PROKR2: variants seen among roughly 807,000 people sequenced by gnomAD.
PROKR2 encodes the protein G protein-coupled receptor 73-like 1.
PROKR2 carries 26 observed loss-of-function variants against 23.4 expected under a neutral mutation model. The ratio of observed to expected loss-of-function variants is 1.11; its 90% CI spans 0.81 to 1.54. The LOEUF is 1.54. PROKR2 is among the 40% of genes most tolerant of loss of function. The probability of loss-of-function intolerance (pLI) is 0.00; values close to 1 mark genes in which losing one functional copy is unlikely to be tolerated. For synonymous variants in PROKR2, 212 were observed against 201.2 expected (o/e 1.05, Z -0.45); for missense variants, 453 against 511.5 (o/e 0.89, Z 1.10).
Position 5,302,429 on chromosome 20 carries a change from G to C in PROKR2, c.766C>G (p.Pro256Ala). Residue 256 changes from proline to alanine, a missense_variant, in exon 3 of 3, where the codon CCT becomes GCT. Pro to Ala is a conservative substitution (Grantham distance 27). Coordinates refer to ENST00000678254, the MANE Select transcript of PROKR2 (RefSeq NM_144773.4). The part of the protein sequence containing the change: ...ISRELWFKAV[P>A]GFQTEQIRKR... ...CGAATCTGCTCCGTCTGGAACCCAG[G>C]GACTGCCTTGAACCAGAGCTCCCGG... 1 of 1,614,192 alleles carries C rather than the reference G, an allele frequency of 6.2e-7. No homozygotes were observed.
Position 5,316,297 on chromosome 20 carries a change from C to T in PROKR2, c.-9+197G>A, listed in dbSNP as rs1454974156. The T allele has an allele frequency of 2.2e-6, 1 of 456,700 alleles. No individual in the cohort carries two copies. Among genetic ancestry groups the T allele is most frequent in the South Asian group, 1.5e-5 (1 of 64,576 alleles). 28.3% of individuals were successfully genotyped at this position (456,700 alleles called of 1,614,324 possible). A position where few individuals can be genotyped will look rare whatever the true frequency, so the allele number is the denominator to read the frequency against. The stretch of plus-strand genomic sequence containing the variant: ...CAGACTCCGCTTACCGTACCCTACC[C>T]GGTCCTAGAGGGCCCAGAGGGGATC... On this transcript the variant is annotated intron_variant, in intron 1 of 2. Transcript: ENST00000678254. The surrounding 1 kb of genome is among the most constrained non-coding windows in gnomAD (Gnocchi z 5.0).
intron 1 of PROKR2, chr20:5,315,938 T>C (rs755029300): frequency 6.6e-6 from 3 of 455,966 alleles, no homozygotes; most frequent in East Asian, 7.0e-5. Flanking sequence ...TTTTCGTAGA[T>C]TGCACTCCCC....
chr20:5,305,389 G>A (rs1031400029), intron 2 of PROKR2, among the ~76,000 whole-genome samples: 11 of 152,164 alleles, frequency 7.2e-5, no homozygotes, highest in African/African-American at 2.4e-4. Context: ...CAGCGGGGAC[G>A]ATAGGATTAC....
chr20:5,304,525 CA>C (rs1323773118), intron 2 of PROKR2, among the ~76,000 whole-genome samples: 1 of 152,146 alleles, frequency 6.6e-6, no homozygotes, highest in African/African-American at 2.4e-5. Context: ...TTGCAATGCC[CA>C]GGCCCATCCT....
rs569259059 is a variant in PROKR2, at chr20:5,301,730, C to T, written c.*310G>A. 2.0e-5 allele frequency among the ~76,000 whole-genome samples: 3 copies of T among 152,188 alleles called. No homozygotes were observed. Among genetic ancestry groups the T allele is most frequent in the African/African-American group, 7.2e-5 (3 of 41,512 alleles). ...AGAGTAAATGTCAGCTCCTGCTGTCCCTGTCTAATCTCATTGGTGTGGTTT... is the reference window on the plus strand; with the variant it reads ...AGAGTAAATGTCAGCTCCTGCTGTCTCTGTCTAATCTCATTGGTGTGGTTT... On this transcript the variant is annotated 3_prime_UTR_variant, in exon 3 of 3. Coordinates refer to ENST00000678254, the MANE Select transcript of PROKR2 (RefSeq NM_144773.4).
At position 5,316,316 on chromosome 20, in the gene PROKR2, G is replaced by A; in HGVS notation, c.-9+178C>T. ...CCTACCCGGTCCTAGAGGGCCCAGAGGGGATCTCCTGAAACCAACTCGCCT... is the reference window on the plus strand; with the variant it reads ...CCTACCCGGTCCTAGAGGGCCCAGAAGGGATCTCCTGAAACCAACTCGCCT... On this transcript the variant is annotated intron_variant, in intron 1 of 2. Coordinates refer to ENST00000678254, the MANE Select transcript of PROKR2 (RefSeq NM_144773.4). The surrounding 1 kb of genome is among the most constrained non-coding windows in gnomAD (Gnocchi z 5.0). 1 of 456,724 alleles carries A rather than the reference G, an allele frequency of 2.2e-6. No individual in the cohort carries two copies. Among genetic ancestry groups the A allele is most frequent in the Non-Finnish European group, 4.4e-6 (1 of 226,970 alleles). The allele number at this position is 456,724 out of a possible 1,614,324, so 28.3% of individuals were successfully genotyped here. A position where few individuals can be genotyped will look rare whatever the true frequency, so the allele number is the denominator to read the frequency against.
chr20:5,306,483 T>A (rs1476569607), intron 2 of PROKR2, among the ~76,000 whole-genome samples: 1 of 152,250 alleles, frequency 6.6e-6, no homozygotes, highest in Admixed American at 6.5e-5. Flanking sequence ...GCATTTACAA[T>A]TCCTGCAGTA....
At position 5,300,649 on chromosome 20, in the gene PROKR2, C is replaced by A. The variant is rs950469875; in HGVS notation, c.*1391G>T. ...CCATTTCATTAAAGCAAAACTGAGACACAGAGAGAAAACATCATGAATTTA... is the reference window on the plus strand; with the variant it reads ...CCATTTCATTAAAGCAAAACTGAGAAACAGAGAGAAAACATCATGAATTTA... On this transcript the variant is annotated 3_prime_UTR_variant, in exon 3 of 3. Coordinates refer to ENST00000678254, the MANE Select transcript of PROKR2 (RefSeq NM_144773.4). Among the ~76,000 whole-genome samples the A allele has an allele frequency of 1.3e-5, 2 of 152,194 alleles. No individual in the cohort carries two copies. Among genetic ancestry groups the A allele is most frequent in the Non-Finnish European group, 2.9e-5 (2 of 68,036 alleles).
chr20:5,309,126 T>C (rs1979338549), intron 2 of PROKR2, among the ~76,000 whole-genome samples: 2 of 152,222 alleles, frequency 1.3e-5, no homozygotes, highest in African/African-American at 4.8e-5. Flanking sequence ...CTCACAGGGC[T>C]GGAGAGTGGA....
chr20:5,305,026 A>G (rs1040629181), intron 2 of PROKR2, among the ~76,000 whole-genome samples: 9 of 152,228 alleles, frequency 5.9e-5, no homozygotes, highest in Non-Finnish European at 1.0e-4. Flanking sequence ...TGGTCATACT[A>G]AAAAAGAATG....
At chr20:5,304,981 C>G (rs1979164438) in intron 2 of PROKR2, among the ~76,000 whole-genome samples, 1 of 152,130 alleles carries the variant, frequency 6.6e-6, no homozygotes, top group Non-Finnish European at 1.5e-5. Flanking sequence ...AGGAAATACT[C>G]TATTTCCTGG....
At chr20:5,309,447 A>T (rs530894085) in intron 2 of PROKR2, among the ~76,000 whole-genome samples, 1 of 152,262 alleles carries the variant, frequency 6.6e-6, no homozygotes, top group East Asian at 1.9e-4. Context: ...TCCCTTTCCA[A>T]AGCCAGCAAG....
intron 2 of PROKR2, 31 bp downstream of exon 2, chr20:5,313,881 C>T (rs1175958998): frequency 6.3e-7 from 1 of 1,582,820 alleles, no homozygotes; most frequent in Middle Eastern, 1.7e-4. Flanking sequence ...CCTGGCCCAG[C>T]CCCACCACTC....
At chr20:5,306,994 G>C (rs6085079) in intron 2 of PROKR2, among the ~76,000 whole-genome samples, 74,516 of 149,814 alleles carry the variant, frequency 0.5, 18,335 homozygotes, top group African/African-American at 0.59. Context: ...GGTTATGCTT[G>C]TGTTTCTCCA....
At chr20:5,314,869 G>C (rs1979602213) in intron 1 of PROKR2, among the ~76,000 whole-genome samples, 1 of 152,224 alleles carries the variant, frequency 6.6e-6, no homozygotes, top group African/African-American at 2.4e-5. Context: ...GGCTCCTACA[G>C]CTGTCACAAC....
intron 2 of PROKR2, among the ~76,000 whole-genome samples, chr20:5,313,086 A>G (rs1979501561): frequency 6.6e-6 from 1 of 152,238 alleles, no homozygotes. Context: ...ATCATTACAC[A>G]TTGTATACAT....
rs200048973 is a variant in PROKR2 at position 5,313,994 on chromosome 20, C to T, written c.376G>A (p.Val126Met). 5.0e-5 allele frequency: 81 copies of T among 1,614,194 alleles called. No individual in the cohort carries two copies. The highest frequency in any genetic ancestry group is 4.0e-5 in the African/African-American group (3 of 75,042). ...VRQLSWEHGH[V>M]LCASVNYLRT... is the part of the protein sequence containing the mutation. Reference sequence around the variant, plus strand: ...AGGTAGTTGACGGAGGCACAGAGCACGTGGCCATGCTCCCAGGAGAGCTGC... The same window carrying T: ...AGGTAGTTGACGGAGGCACAGAGCATGTGGCCATGCTCCCAGGAGAGCTGC... Residue 126 changes from valine (V) to methionine (M), a missense_variant, in exon 2 of 3, where the codon GTG becomes ATG. By Grantham distance (21) the Val-to-Met change is conservative. Transcript: ENST00000678254.
intron 2 of PROKR2, among the ~76,000 whole-genome samples, chr20:5,304,484 GGT>G (rs1377299095): frequency 6.6e-6 from 1 of 152,152 alleles, no homozygotes; most frequent in Admixed American, 6.5e-5. Flanking sequence ...TTTAAAACTT[GGT>G]GGGCAGATGA....
At chr20:5,309,190 C>G (rs74634394) in intron 2 of PROKR2, among the ~76,000 whole-genome samples, 16,625 of 152,190 alleles carry the variant, frequency 0.11, 995 homozygotes, top group Non-Finnish European at 0.12. Context: ...CAGTCACTGA[C>G]TCTTCATGAT....
Sources: allele counts gnomAD v4.1 joint callset (sites outside exome capture counted in the v4.1 genomes callset), GRCh38; gene constraint gnomAD v4.1.1; non-coding constraint Gnocchi (gnomAD v3.1); transcripts MANE v1.5; gene names NCBI Gene and HGNC (gene_info 2026-07-23, HGNC 2026-07-21).